NEK11: variants seen among roughly 807,000 people sequenced by gnomAD.
NEK11 encodes serine/threonine-protein kinase Nek11.
A neutral mutation model predicts 80.7 loss-of-function variants in NEK11; 72 were observed. That is an observed-to-expected ratio of 0.89 (90% confidence interval 0.74 to 1.08). NEK11 has a LOEUF of 1.08. Among genes scored for constraint, NEK11 ranks in the 50% least tolerant of loss-of-function variants. NEK11 has a pLI of 0.00. For synonymous variants in NEK11, 251 were observed against 260.7 expected, an observed-to-expected ratio of 0.96 and a Z score of 0.36; for missense variants, 764 against 763.6, an observed-to-expected ratio of 1.00 and a Z score of -0.01.
chr3:131,321,137 C>T (rs573797354), intron 17 of NEK11, among the ~76,000 whole-genome samples: 2 of 152,116 alleles, frequency 1.3e-5, no homozygotes, highest in Non-Finnish European at 2.9e-5. Context: ...CAGCATGATA[C>T]TGGTACAAAA....
chr3:131,312,643 T>G (rs2096793476), intron 17 of NEK11, among the ~76,000 whole-genome samples: 1 of 152,078 alleles, frequency 6.6e-6, no homozygotes, highest in African/African-American at 2.4e-5. Flanking sequence ...GCCTCATAAT[T>G]GTACCTTCTA....
chr3:131,188,569 T>C (rs2093679412), intron 14 of NEK11, among the ~76,000 whole-genome samples: 2 of 152,210 alleles, frequency 1.3e-5, no homozygotes, highest in South Asian at 4.1e-4. Flanking sequence ...GTTATCCTTG[T>C]ACTTTGTAAG....
chr3:131,327,519 C>T (rs2109935830), intron 17 of NEK11: 1 of 152,312 alleles, frequency 6.6e-6, no homozygotes, highest in South Asian at 2.1e-4. Context: ...TGAGTGCAAA[C>T]TTGTTCTTCC....
chr3:131,241,048 T>C (rs959529566), intron 15 of NEK11, among the ~76,000 whole-genome samples: 7 of 152,198 alleles, frequency 4.6e-5, no homozygotes, highest in Admixed American at 4.6e-4. Context: ...CAACCATTTT[T>C]GGTTTTAATG....
At chr3:131,284,398 A>G (rs2096445068) in intron 17 of NEK11, among the ~76,000 whole-genome samples, 1 of 152,138 alleles carries the variant, frequency 6.6e-6, no homozygotes, top group Admixed American at 6.5e-5. Flanking sequence ...GGGTGCTGTG[A>G]TGATCTCATC....
intron 4 of NEK11, among the ~76,000 whole-genome samples, chr3:131,102,305 A>G (rs1300540529): frequency 1.3e-5 from 2 of 152,160 alleles, no homozygotes; most frequent in African/African-American, 2.4e-5. Flanking sequence ...TTTTTGTGGT[A>G]GCAGGTGCCA....
At chr3:131,031,675 G>A (rs1483942014) in intron 3 of NEK11, among the ~76,000 whole-genome samples, 1 of 152,016 alleles carries the variant, frequency 6.6e-6, no homozygotes, top group African/African-American at 2.4e-5. Flanking sequence ...GAAGAAAGGG[G>A]GCTGGGGCTG....
chr3:131,297,428 T>G (rs959004968), intron 17 of NEK11, among the ~76,000 whole-genome samples: 2 of 151,802 alleles, frequency 1.3e-5, no homozygotes, highest in African/African-American at 4.8e-5. Context: ...ATGAGCATTT[T>G]TTCATGTGTT....
At chr3:131,343,510 G>A (rs1460990323) in intron 17 of NEK11, among the ~76,000 whole-genome samples, 1 of 152,104 alleles carries the variant, frequency 6.6e-6, no homozygotes, top group African/African-American at 2.4e-5. Flanking sequence ...CTAGGGTGAG[G>A]GTCCAACCTT....
intron 14 of NEK11, among the ~76,000 whole-genome samples, chr3:131,196,846 CTTTTT>C (rs112705042): frequency 7.2e-6 from 1 of 138,152 alleles, no homozygotes; most frequent in Non-Finnish European, 1.6e-5. Flanking sequence ...CTTTTCTTTT[CTTTTT>C]TTTTTTTTTT....
intron 14 of NEK11, chr3:131,184,584 A>G (rs1488434062): frequency 9.4e-6 from 3 of 318,484 alleles, no homozygotes; most frequent in Non-Finnish European, 1.7e-5. Context: ...CTTAAACAGC[A>G]TACATTTCAC....
intron 17 of NEK11, among the ~76,000 whole-genome samples, chr3:131,332,361 T>C (rs1218863547): frequency 6.6e-6 from 1 of 152,246 alleles, no homozygotes; most frequent in East Asian, 1.9e-4. Context: ...AAACAGGGTC[T>C]GGAGTGGACC....
At chr3:131,235,185 C>T (rs1411418067) in intron 15 of NEK11, among the ~76,000 whole-genome samples, 3 of 152,100 alleles carry the variant, frequency 2.0e-5, no homozygotes, top group East Asian at 1.9e-4. Flanking sequence ...CCCTGTGCTC[C>T]GCTGTGCTGC....
In NEK11 at chr3:131,152,628, C is replaced by T; in HGVS notation, c.798-3C>T. On this transcript the variant is annotated splice_polypyrimidine_tract_variant and splice_region_variant and intron_variant, in intron 8 of 17. Transcript: ENST00000383366. ...AAAATAATTTTCTGTTTAAACATTA[C>T]AGCATGTTGAACAAGAATCCTTCAT... 1 of 1,612,298 alleles carries T rather than the reference C, an allele frequency of 6.2e-7. No homozygotes were observed. Among genetic ancestry groups the T allele is most frequent in the Non-Finnish European group, 8.5e-7 (1 of 1,179,062 alleles).
At chr3:131,055,297 T>C (rs2069248388) in intron 3 of NEK11, among the ~76,000 whole-genome samples, 1 of 152,194 alleles carries the variant, frequency 6.6e-6, no homozygotes. Flanking sequence ...AATGGATAGA[T>C]TGCTGACAAT....
intron 4 of NEK11, among the ~76,000 whole-genome samples, chr3:131,097,402 T>A (rs1477260666): frequency 6.6e-6 from 1 of 151,838 alleles, no homozygotes; most frequent in Non-Finnish European, 1.5e-5. Flanking sequence ...ACCTGTTGTT[T>A]CCTGACTTTT....
chr3:131,229,374 A>C (rs558534607), intron 15 of NEK11, among the ~76,000 whole-genome samples: 1 of 152,260 alleles, frequency 6.6e-6, no homozygotes, highest in Non-Finnish European at 1.5e-5. Flanking sequence ...ATGAAGATGA[A>C]GGGGAAAGCT....
At chr3:131,142,540 C>T (rs903057033) in intron 7 of NEK11, among the ~76,000 whole-genome samples, 1 of 152,108 alleles carries the variant, frequency 6.6e-6, no homozygotes, top group Non-Finnish European at 1.5e-5. Flanking sequence ...TCGGCTGTTG[C>T]CATATTCGGT....
chr3:131,028,723 G>A (rs1194037703), intron 2 of NEK11, among the ~76,000 whole-genome samples: 1 of 151,970 alleles, frequency 6.6e-6, no homozygotes, highest in Non-Finnish European at 1.5e-5. Flanking sequence ...TACAATGCCC[G>A]GCTAATTTTT....
Sources: gnomAD v4.1 joint callset for allele counts (sites outside exome capture counted in the v4.1 genomes callset) on GRCh38, gnomAD v4.1.1 for gene constraint, MANE v1.5 for transcripts, NCBI Gene and HGNC (gene_info 2026-07-23, HGNC 2026-07-21) for gene names.